SIMC1: variants seen among roughly 807,000 people sequenced by gnomAD.
SIMC1 encodes the protein SUMO interacting motifs containing 1, also known as SUMO-interacting motif-containing protein 1.
A neutral mutation model predicts 82.3 loss-of-function variants in SIMC1; 55 were observed. That is an observed-to-expected ratio of 0.67 (90% CI 0.54 to 0.84). SIMC1 has a LOEUF of 0.84. Among genes scored for constraint, SIMC1 ranks in the 40% least tolerant of loss-of-function variants. The pLI, the probability that SIMC1 is intolerant of heterozygous loss-of-function variation, is 0.00. For missense variants in SIMC1, 915 were observed against 1,107.2 expected, an observed-to-expected ratio of 0.83 and a Z score of 2.46; for synonymous variants, 353 against 426.3, an observed-to-expected ratio of 0.83 and a Z score of 2.12.
At chr5:176,271,966 ATG>A (rs1762454369) in intron 1 of SIMC1, among the ~76,000 whole-genome samples, 2 of 144,942 alleles carry the variant, frequency 1.4e-5, no homozygotes, top group Admixed American at 7.1e-5. Flanking sequence ...TATGTATATA[ATG>A]TATATATTAT....
intron 4 of SIMC1, chr5:176,308,625 C>T (rs1173484955): frequency 3.2e-6 from 5 of 1,584,350 alleles, no homozygotes; most frequent in Non-Finnish European, 1.7e-6. Context: ...CCTTCATGGT[C>T]CACAAGACTT....
chr5:176,284,101 C>G (rs1763148198), intron 1 of SIMC1, among the ~76,000 whole-genome samples: 1 of 152,136 alleles, frequency 6.6e-6, no homozygotes, highest in Non-Finnish European at 1.5e-5. Context: ...CCACTGTCAC[C>G]ATTAGACAGA....
At position 176,343,976 on chromosome 5, in the gene SIMC1, T is replaced by C. The variant is rs140110104; in HGVS notation, c.2414-1207T>C. 2.5e-3 allele frequency among the ~76,000 whole-genome samples: 386 copies of C among 152,138 alleles called. 3 individuals carry two copies. Among genetic ancestry groups the C allele is most frequent in the African/African-American group, 8.8e-3 (364 of 41,512 alleles). On this transcript the variant is annotated intron_variant, in intron 9 of 9. Transcript: ENST00000429602. ...TGCCCAGCTAATTTTTTTGTATTTT[T>C]AGTAGAGACAGGGTTTCACCATGTT...
In SIMC1 at chr5:176,290,894, T is replaced by C; in HGVS notation, c.1370T>C (p.Leu457Ser). The change falls in exon 2 of 10, where the codon TTA becomes TCA. Residue 457 changes from leucine to serine, a missense_variant. Leu to Ser is a moderately radical substitution (Grantham distance 145). This residue lies in a region of SIMC1 where 902 missense variants were observed against 1,040.3 expected (regional missense o/e 0.87). Transcript: ENST00000429602. Reference sequence around the variant, plus strand: ...TGCCTGCATAGACTGAAGTACTTCTTACGTCCTCCGGTTCATCACCTCTTC... The same window carrying C: ...TGCCTGCATAGACTGAAGTACTTCTCACGTCCTCCGGTTCATCACCTCTTC... Reference protein sequence around the residue: ...RPCLHRLKYFLRPPVHHLFFQ... With the variant: ...RPCLHRLKYFSRPPVHHLFFQ... The C allele has an allele frequency of 6.2e-7, 1 of 1,612,326 alleles. No individual in the cohort carries two copies. Among genetic ancestry groups the C allele is most frequent in the Middle Eastern group, 1.7e-4 (1 of 6,046 alleles).
intron 3 of SIMC1, among the ~76,000 whole-genome samples, chr5:176,295,932 G>A (rs554190782): frequency 6.6e-6 from 1 of 152,224 alleles, no homozygotes; most frequent in Non-Finnish European, 1.5e-5. Context: ...GGGTAGAACA[G>A]CACGATTGGC....
intron 7 of SIMC1, among the ~76,000 whole-genome samples, chr5:176,326,056 A>G (rs577435449): frequency 5.4e-4 from 82 of 152,338 alleles, no homozygotes; most frequent in African/African-American, 1.9e-3. Context: ...AACTAGAATG[A>G]ATATGAATTC....
At chr5:176,306,799 A>G (rs1400355907) in intron 4 of SIMC1, among the ~76,000 whole-genome samples, 1 of 151,532 alleles carries the variant, frequency 6.6e-6, no homozygotes, top group Non-Finnish European at 1.5e-5. Flanking sequence ...TCCTCTGCCT[A>G]GGAAAACCAG....
chr5:176,300,305 T>C lies in SIMC1; in HGVS notation c.1734+3985T>C, dbSNP rs539668031. On this transcript the variant is annotated intron_variant, in intron 4 of 9. Transcript: ENST00000429602. ...GGAAAAAATGAACAAAACTAAGATA[T>C]GGGGTTTTTAAACATTTCATTTGTT... Among the ~76,000 whole-genome samples the C allele has an allele frequency of 1.6e-3, 245 of 152,116 alleles. 1 individual carries two copies. Among genetic ancestry groups the C allele is most frequent in the African/African-American group, 5.2e-3 (215 of 41,486 alleles).
At chr5:176,282,560 A>T (rs1581250426) in intron 1 of SIMC1, among the ~76,000 whole-genome samples, 1 of 151,770 alleles carries the variant, frequency 6.6e-6, no homozygotes, top group South Asian at 2.1e-4. Context: ...AGCTGTTCCT[A>T]TTCGGCCATC....
intron 4 of SIMC1, among the ~76,000 whole-genome samples, chr5:176,307,158 AGT>A (rs1345023602): frequency 1.3e-5 from 2 of 152,204 alleles, no homozygotes; most frequent in Non-Finnish European, 2.9e-5. Flanking sequence ...ACAAAAAATA[AGT>A]GTGGGCAAGA....
chr5:176,338,143 A>G (rs1267248296), intron 9 of SIMC1, among the ~76,000 whole-genome samples: 1 of 152,200 alleles, frequency 6.6e-6, no homozygotes, highest in Non-Finnish European at 1.5e-5. Flanking sequence ...CCTGGATCCA[A>G]TGGCCAGGAC....
At chr5:176,245,460 G>C (rs1277224594) in intron 1 of SIMC1, among the ~76,000 whole-genome samples, 2 of 152,176 alleles carry the variant, frequency 1.3e-5, no homozygotes, top group South Asian at 2.1e-4. Flanking sequence ...ATAAATTTCT[G>C]TTGTTTAAAT....
At chr5:176,331,370 A>T (rs1188177578) in intron 7 of SIMC1, among the ~76,000 whole-genome samples, 10 of 19,874 alleles carry the variant, frequency 5.0e-4, no homozygotes, top group Non-Finnish European at 2.1e-3. Context: ...ACTCTGTCTA[A>T]AAAAAAAAAA....
intron 1 of SIMC1, among the ~76,000 whole-genome samples, chr5:176,243,171 G>A (rs1428667957): frequency 6.6e-6 from 1 of 152,042 alleles, no homozygotes; most frequent in Non-Finnish European, 1.5e-5. Context: ...TAACTTTGGT[G>A]GGATTGGGAA....
At chr5:176,277,283 T>G (rs1762752827) in intron 1 of SIMC1, among the ~76,000 whole-genome samples, 2 of 151,860 alleles carry the variant, frequency 1.3e-5, no homozygotes, top group Non-Finnish European at 2.9e-5. Flanking sequence ...TCGCCCACTT[T>G]TTGATGGGGT....
chr5:176,308,477 C>A (rs1764522590), intron 4 of SIMC1: 3 of 1,607,514 alleles, frequency 1.9e-6, no homozygotes, highest in Non-Finnish European at 2.6e-6. Flanking sequence ...ATGTTCGCAC[C>A]CAAGCCATGT....
intron 6 of SIMC1, among the ~76,000 whole-genome samples, chr5:176,324,004 A>T (rs930478166): frequency 4.0e-5 from 6 of 151,624 alleles, no homozygotes; most frequent in Non-Finnish European, 1.5e-5. Flanking sequence ...AAAAAAAAAA[A>T]AAAAAAAAAA....
chr5:176,309,289 C>T (rs1335257179), intron 4 of SIMC1, among the ~76,000 whole-genome samples: 1 of 152,166 alleles, frequency 6.6e-6, no homozygotes, highest in African/African-American at 2.4e-5. Flanking sequence ...GCCTTTCTGA[C>T]AAATTATGCT....
At chr5:176,312,407 G>A (rs1401766054) in intron 4 of SIMC1, among the ~76,000 whole-genome samples, 1 of 151,966 alleles carries the variant, frequency 6.6e-6, no homozygotes, top group African/African-American at 2.4e-5. Flanking sequence ...CTGGTGGCAG[G>A]CACCTATAAT....
Sources: gnomAD v4.1 joint callset for allele counts (sites outside exome capture counted in the v4.1 genomes callset) on GRCh38, gnomAD v4.1.1 for gene constraint, gnomAD v4.1.1 regional missense constraint, MANE v1.5 for transcripts, NCBI Gene and HGNC (gene_info 2026-07-23, HGNC 2026-07-21) for gene names.